DLC1: variants seen among roughly 807,000 people sequenced by gnomAD.
DLC1 encodes the protein DLC1 Rho GTPase activating protein, also known as rho GTPase-activating protein 7.
In DLC1, 54 loss-of-function variants were observed where a neutral mutation model predicts 140.3. The observed-to-expected ratio is 0.38, with a 90% CI of 0.31 to 0.48. DLC1 has a LOEUF of 0.48. DLC1 is among the 20% of genes least tolerant of loss of function. DLC1 has a pLI of 0.96. For missense variants in DLC1, 2,536 were observed against 1,907.0 expected, an observed-to-expected ratio of 1.33 and a Z score of -6.14; for synonymous variants, 986 against 728.1, an observed-to-expected ratio of 1.35 and a Z score of -5.70.
intron 4 of DLC1, among the ~76,000 whole-genome samples, chr8:13,348,029 C>A (rs1360396506): frequency 1.3e-5 from 2 of 152,122 alleles, no homozygotes; most frequent in African/African-American, 2.4e-5. Flanking sequence ...ACATAGCTTG[C>A]AGTCAGCCGA....
chr8:13,555,188 C>T (rs1282480097), intron 1 of DLC1, among the ~76,000 whole-genome samples: 1 of 152,196 alleles, frequency 6.6e-6, no homozygotes, highest in South Asian at 2.1e-4. Context: ...GACAATGCTC[C>T]TCAGAACTCC....
intron 2 of DLC1, among the ~76,000 whole-genome samples, chr8:13,441,940 T>C (rs1250305644): frequency 1.3e-5 from 2 of 152,100 alleles, no homozygotes; most frequent in Admixed American, 1.3e-4. Flanking sequence ...CATCACACTA[T>C]TTGACTTCAA....
chr8:13,296,924 T>C (rs1385314789), intron 5 of DLC1, among the ~76,000 whole-genome samples: 1 of 151,986 alleles, frequency 6.6e-6, no homozygotes, highest in Non-Finnish European at 1.5e-5. Flanking sequence ...GCTTAAAATA[T>C]AATTGAGAGG....
At chr8:13,495,398 T>G (rs1051464149) in intron 2 of DLC1, among the ~76,000 whole-genome samples, 1 of 152,194 alleles carries the variant, frequency 6.6e-6, no homozygotes, top group African/African-American at 2.4e-5. Context: ...GAATTGCTTT[T>G]AACCAGCCGC....
intron 5 of DLC1, among the ~76,000 whole-genome samples, chr8:13,297,292 A>AAAAAAAAAAAAAAAAAAAAAAAAC (rs1563233241): frequency 6.9e-6 from 1 of 144,454 alleles, no homozygotes; most frequent in African/African-American, 2.6e-5. Context: ...TAAAAAAAAA[A>AAAAAAAAAAAAAAAAAAAAAAAAC]AAAACTGAAG....
At chr8:13,102,004 T>G (rs1228891663) in intron 8 of DLC1, among the ~76,000 whole-genome samples, 1 of 152,178 alleles carries the variant, frequency 6.6e-6, no homozygotes, top group African/African-American at 2.4e-5. Flanking sequence ...AGGACTCTTC[T>G]GCATAGCTCA....
At position 13,574,422 on chromosome 8, in the gene DLC1, A is replaced by T. The variant is rs571919393; in HGVS notation, c.-126+30115T>A. 4.3e-4 allele frequency among the ~76,000 whole-genome samples: 65 copies of T among 152,216 alleles called. 1 individual carries two copies. The highest frequency in any genetic ancestry group is 8.5e-4 in the Non-Finnish European group (58 of 68,006). ...ATGTTTTTTGCCCTTGAATATATTC[A>T]AAGGGGGTTGGATATCTTTTCTCCA... On this transcript the variant is annotated intron_variant, in intron 1 of 1. Transcript: ENST00000631382.
At chr8:13,417,886 T>G (rs1838145250) in intron 2 of DLC1, among the ~76,000 whole-genome samples, 1 of 152,208 alleles carries the variant, frequency 6.6e-6, no homozygotes, top group Non-Finnish European at 1.5e-5. Context: ...TTTCCTGACT[T>G]TTTAATGATT....
intron 16 of DLC1, among the ~76,000 whole-genome samples, chr8:13,087,546 G>C (rs1408939462): frequency 6.6e-6 from 1 of 152,182 alleles, no homozygotes; most frequent in Non-Finnish European, 1.5e-5. Context: ...TTACATGCAC[G>C]AAGACACTGT....
At chr8:13,140,307 A>G (rs931192456) in intron 5 of DLC1, among the ~76,000 whole-genome samples, 1 of 152,124 alleles carries the variant, frequency 6.6e-6, no homozygotes, top group Non-Finnish European at 1.5e-5. Flanking sequence ...ACCATAACTC[A>G]CTGCAGCCTC....
chr8:13,101,046 T>C (rs1381817880), intron 8 of DLC1: 3 of 375,710 alleles, frequency 8.0e-6, no homozygotes, highest in East Asian at 4.1e-5. Context: ...TAAGCTACTG[T>C]GCCCAGCCCC....
intron 2 of DLC1, among the ~76,000 whole-genome samples, chr8:13,489,021 C>T (rs1801108564): frequency 6.6e-6 from 1 of 152,094 alleles, no homozygotes; most frequent in Non-Finnish European, 1.5e-5. Flanking sequence ...GATCTTGGCT[C>T]ACTGCAACCT....
chr8:13,463,829 A>G (rs1020374474), intron 2 of DLC1, among the ~76,000 whole-genome samples: 1 of 152,078 alleles, frequency 6.6e-6, no homozygotes, highest in Non-Finnish European at 1.5e-5. Flanking sequence ...AAAGAGGACC[A>G]TCTGGGGAGA....
At chr8:13,596,424 G>T (rs1172922166) in intron 1 of DLC1, among the ~76,000 whole-genome samples, 1 of 151,886 alleles carries the variant, frequency 6.6e-6, no homozygotes, top group African/African-American at 2.4e-5. Context: ...CTTCCATAGA[G>T]GGTCTATGGA....
intron 5 of DLC1, among the ~76,000 whole-genome samples, chr8:13,286,391 A>C (rs1831536745): frequency 6.6e-6 from 1 of 152,024 alleles, no homozygotes; most frequent in African/African-American, 2.4e-5. Flanking sequence ...TTTTATTACA[A>C]TAAATAGGTT....
chr8:13,228,908 G>C (rs77495681), intron 5 of DLC1, among the ~76,000 whole-genome samples: 9,982 of 152,224 alleles, frequency 0.066, 393 homozygotes, highest in South Asian at 0.14. Flanking sequence ...CACCTACCAG[G>C]GTGGCTACAA....
chr8:13,133,089 G>T (rs1026834960), intron 5 of DLC1: 42 of 1,514,740 alleles, frequency 2.8e-5, no homozygotes, highest in Middle Eastern at 3.5e-4. Context: ...GCGCCCTCGC[G>T]GTCCTCAACG....
At chr8:13,268,535 C>T (rs928426299) in intron 5 of DLC1, among the ~76,000 whole-genome samples, 1 of 152,154 alleles carries the variant, frequency 6.6e-6, no homozygotes, top group Non-Finnish European at 1.5e-5. Flanking sequence ...CAGGTGCATG[C>T]CACCGTAGCT....
rs142711706 is a variant in DLC1 at position 13,100,624 on chromosome 8, G to A, written c.1713C>T (p.His571=). 49 of 1,614,094 alleles carry A rather than the reference G, an allele frequency of 3.0e-5. No homozygotes were observed. The African/African-American group carries it at 6.4e-4, about 21-fold the overall frequency. The change falls in exon 9 of 18, where the codon CAC becomes CAT. Residue 571 remains histidine (H), a synonymous_variant. Transcript: ENST00000276297. ...DLVPGSPDDS[H]PKDGPSPGGT... ...CTCCGGGGCTGGGGCCGTCCTTCGG[G>A]TGGGAGTCGTCTGGGGACCCAGGGA... is the stretch of plus-strand genomic sequence containing the variant.
Sources: gnomAD v4.1 joint callset for allele counts (sites outside exome capture counted in the v4.1 genomes callset) on GRCh38, gnomAD v4.1.1 for gene constraint, MANE v1.5 for transcripts, NCBI Gene and HGNC (gene_info 2026-07-23, HGNC 2026-07-21) for gene names.